TTI1: variants seen among roughly 807,000 people sequenced by gnomAD.
TTI1 encodes TELO2-interacting protein 1 homolog.
TTI1 carries 52 observed loss-of-function variants against 85.4 expected under a neutral mutation model. The ratio of observed to expected loss-of-function variants is 0.61; its 90% CI spans 0.49 to 0.77. The LOEUF is 0.77. Ranked by LOEUF, TTI1 falls within the 30% of genes least tolerant of loss-of-function variation. The probability of loss-of-function intolerance (pLI) is 0.00; values close to 1 mark genes in which losing one functional copy is unlikely to be tolerated. For synonymous variants in TTI1, 512 were observed against 503.9 expected (o/e 1.02, Z -0.22); for missense variants, 1,173 against 1,296.0 (o/e 0.91, Z 1.46).
At chr20:38,027,577 G>A (rs1568633165) in intron 1 of TTI1, among the ~76,000 whole-genome samples, 1 of 152,252 alleles carries the variant, frequency 6.6e-6, no homozygotes, top group East Asian at 1.9e-4. Context: ...TATGCTGTAT[G>A]TATTATATGC....
rs1216841070 is a variant in TTI1, at chr20:38,020,335, T to A, written c.-41-6478A>T. ...GAAAAAAAAAAAAAATATATATATA[T>A]ATATATATATATATATATGTATGTA... is the stretch of plus-strand genomic sequence containing the variant. On this transcript the variant is annotated intron_variant, in intron 1 of 7. Coordinates refer to ENST00000373447, the MANE Select transcript of TTI1 (RefSeq NM_001303457.2). Among the ~76,000 whole-genome samples the A allele has an allele frequency of 6.9e-4, 76 of 110,654 alleles. 2 individuals are homozygous for A. Among genetic ancestry groups the A allele is most frequent in the African/African-American group, 1.8e-3 (51 of 28,320 alleles). The allele number at this position is 110,654 out of a possible 152,430, so 72.6% of individuals were successfully genotyped here.
chr20:38,017,542 A>G lies in TTI1; in HGVS notation c.-41-3685T>C, dbSNP rs563890904. Among the ~76,000 whole-genome samples the G allele has an allele frequency of 5.3e-5, 8 of 152,122 alleles. No individual in the cohort carries two copies. In the East Asian group the frequency reaches 7.8e-4, roughly 15 times the overall value. On this transcript the variant is annotated intron_variant, in intron 1 of 7. Transcript: ENST00000373447. ...TATCATTGGGGAAAGAGAAACCACA[A>G]TGCTTTCGATGGTCACCTGGGGCTG... is the stretch of plus-strand genomic sequence containing the variant.
At chr20:38,017,570 C>T (rs1436204367) in intron 1 of TTI1, among the ~76,000 whole-genome samples, 1 of 152,066 alleles carries the variant, frequency 6.6e-6, no homozygotes, top group African/African-American at 2.4e-5. Context: ...TGGGGCTGGA[C>T]AGACAAAACT....
At chr20:38,000,976 T>C (rs553879489) in intron 4 of TTI1, among the ~76,000 whole-genome samples, 120 of 152,258 alleles carry the variant, frequency 7.9e-4, no homozygotes, top group African/African-American at 2.7e-3. Context: ...TTGCACCGAG[T>C]AGGTACCCAA....
chr20:38,000,703 G>A (rs1054913453), intron 4 of TTI1, among the ~76,000 whole-genome samples: 1 of 152,234 alleles, frequency 6.6e-6, no homozygotes, highest in Non-Finnish European at 1.5e-5. Flanking sequence ...GCACAGTGGG[G>A]AGCAGGGGAT....
intron 7 of TTI1, among the ~76,000 whole-genome samples, chr20:37,995,092 G>C (rs1255248800): frequency 2.6e-5 from 4 of 152,128 alleles, no homozygotes; most frequent in Non-Finnish European, 5.9e-5. Flanking sequence ...TCAGCTCCAG[G>C]GGCACCGCCC....
intron 1 of TTI1, among the ~76,000 whole-genome samples, chr20:38,031,028 G>A (rs1189709524): frequency 1.3e-5 from 2 of 152,126 alleles, no homozygotes; most frequent in South Asian, 2.1e-4. Context: ...AGCGGATCCT[G>A]TTACCTCTTC....
intron 7 of TTI1, chr20:37,987,409 C>T (rs952677914): frequency 2.2e-6 from 1 of 450,736 alleles, no homozygotes; most frequent in Non-Finnish European, 4.5e-6. Flanking sequence ...GTTGAACATA[C>T]CAAATGGCCA....
rs767876343 is a variant in TTI1, at chr20:37,983,625, A to G, written c.3101T>C (p.Leu1034Ser). ...QEAARSVFLH[L>S]MKVDPDSTWF... ...GGTGGAGTCTGGGTCCACCTTCATCAAGTGGAGGAAGACGCTGTGGAGAGA... is the reference window on the plus strand; with the variant it reads ...GGTGGAGTCTGGGTCCACCTTCATCGAGTGGAGGAAGACGCTGTGGAGAGA... The change falls in exon 8 of 8, where the codon TTG becomes TCG. Residue 1034 changes from leucine to serine, a missense_variant. Coordinates refer to ENST00000373447, the MANE Select transcript of TTI1 (RefSeq NM_001303457.2). 1 of 1,530,392 alleles carries G rather than the reference A, an allele frequency of 6.5e-7. No homozygotes were observed. The highest frequency in any genetic ancestry group is 8.8e-7 in the Non-Finnish European group (1 of 1,137,492). The allele number at this position is 1,530,392 out of a possible 1,614,324, so 94.8% of individuals were successfully genotyped here. A position where few individuals can be genotyped will look rare whatever the true frequency, so the allele number is the denominator to read the frequency against.
rs969441923 is a variant in TTI1 at position 38,002,887 on chromosome 20, C to G, written c.2504-111G>C. The G allele has an allele frequency of 1.7e-5, 25 of 1,436,040 alleles. No individual in the cohort carries two copies. In the African/African-American group the frequency reaches 3.1e-4, roughly 18 times the overall value. The allele number at this position is 1,436,040 out of a possible 1,614,324, so 89.0% of individuals were successfully genotyped here. A position where few individuals can be genotyped will look rare whatever the true frequency, so the allele number is the denominator to read the frequency against. On this transcript the variant is annotated intron_variant, in intron 3 of 7. Coordinates refer to ENST00000373447, the MANE Select transcript of TTI1 (RefSeq NM_001303457.2). The stretch of plus-strand genomic sequence containing the variant: ...TCTTAGGTATTTGGTTACAGCAGCA[C>G]AAATGGACTGAGACACCTCCACTCA...
Position 38,005,253 on chromosome 20 carries a change from TTC to T in TTI1, c.2503+942_2503+943del, listed in dbSNP as rs2073479595. 2.0e-5 allele frequency among the ~76,000 whole-genome samples: 3 copies of T among 152,238 alleles called. No individual in the cohort carries two copies. The South Asian group carries it at 6.2e-4, about 31-fold the overall frequency. ...TGGGACTCGGTTCGATTTAGGATGGTTCTGAGACCACCAAGCTCATTATGACT... is the reference window on the plus strand; with the variant it reads ...TGGGACTCGGTTCGATTTAGGATGGTTGAGACCACCAAGCTCATTATGACT... On this transcript the variant is annotated intron_variant, in intron 3 of 7. Coordinates refer to ENST00000373447, the MANE Select transcript of TTI1 (RefSeq NM_001303457.2).
intron 1 of TTI1, among the ~76,000 whole-genome samples, chr20:38,031,355 G>A (rs1489714682): frequency 6.6e-6 from 1 of 152,160 alleles, no homozygotes; most frequent in Non-Finnish European, 1.5e-5. Context: ...TATCACTCCA[G>A]CTTTATTGTC....
chr20:38,011,599 C>A lies in TTI1; in HGVS notation c.2218G>T (p.Asp740Tyr). The change falls in exon 2 of 8, where the codon GAT (aspartate) becomes TAT (tyrosine). Residue 740 changes from aspartate to tyrosine, a missense_variant. Coordinates refer to ENST00000373447, the MANE Select transcript of TTI1 (RefSeq NM_001303457.2). ...AATTGGTCCAGGGTGGCCAAGACAT[C>A]TTGAACCACATCTGCCACCAAAGGA... The part of the protein sequence containing the change: ...LLPLVADVVQ[D>Y]VLATLDQFYD... 2 of 1,614,230 alleles carry A rather than the reference C, an allele frequency of 1.2e-6. No homozygotes were observed. Among genetic ancestry groups the A allele is most frequent in the Non-Finnish European group, 1.7e-6 (2 of 1,180,036 alleles).
chr20:37,999,749 G>A (rs555720332), intron 4 of TTI1, among the ~76,000 whole-genome samples: 4 of 152,220 alleles, frequency 2.6e-5, no homozygotes, highest in Non-Finnish European at 5.9e-5. Context: ...ACTGGAAACC[G>A]TGATGAGGAA....
intron 1 of TTI1, among the ~76,000 whole-genome samples, chr20:38,023,644 A>T (rs2073798888): frequency 6.6e-6 from 1 of 152,220 alleles, no homozygotes; most frequent in East Asian, 1.9e-4. Context: ...TTACAGCTTT[A>T]CTTGTGGTTT....
chr20:37,992,718 A>G (rs909836016), intron 7 of TTI1, among the ~76,000 whole-genome samples: 5 of 152,182 alleles, frequency 3.3e-5, no homozygotes, highest in African/African-American at 1.2e-4. Context: ...TGGCCCAAGG[A>G]GTATGGTTTT....
chr20:38,019,399 T>C (rs997206474), intron 1 of TTI1, among the ~76,000 whole-genome samples: 7 of 152,140 alleles, frequency 4.6e-5, no homozygotes, highest in Non-Finnish European at 1.0e-4. Context: ...ACAAGAATAA[T>C]TCACAAAAGG....
rs2073788231 is a variant in TTI1 at position 38,022,881 on chromosome 20, GC to G, written c.-41-9025del. 2.0e-5 allele frequency among the ~76,000 whole-genome samples: 3 copies of G among 152,186 alleles called. No homozygotes were observed. In the South Asian group the frequency reaches 6.2e-4, roughly 32 times the overall value. On this transcript the variant is annotated intron_variant, in intron 1 of 7. Coordinates refer to ENST00000373447, the MANE Select transcript of TTI1 (RefSeq NM_001303457.2). ...CACTGGAGGACTGATCTGGGTTCTA[GC>G]CCTGGCTCTTACAGTACCTGGCTGT...
chr20:38,012,861 A>C lies in TTI1; in HGVS notation c.956T>G (p.Leu319Trp). 1 of 1,614,210 alleles carries C rather than the reference A, an allele frequency of 6.2e-7. No homozygotes were observed. Among genetic ancestry groups the C allele is most frequent in the Non-Finnish European group, 8.5e-7 (1 of 1,180,046 alleles). The change falls in exon 2 of 8, where the codon TTG becomes TGG. Residue 319 changes from leucine to tryptophan, a missense_variant. Physicochemically the swap from Leu to Trp is moderately conservative, Grantham distance 61. Transcript: ENST00000373447. ...TTCGACCAATGATTGACTGCACTTCAAAAGAAGGTCCTCCACAAGTTCTAC... is the reference window on the plus strand; with the variant it reads ...TTCGACCAATGATTGACTGCACTTCCAAAGAAGGTCCTCCACAAGTTCTAC... ...ELVELVEDLL[L>W]KCSQSLVECA... is the part of the protein sequence containing the mutation.
Sources: gnomAD v4.1 joint callset for allele counts (sites outside exome capture counted in the v4.1 genomes callset) on GRCh38, gnomAD v4.1.1 for gene constraint, MANE v1.5 for transcripts, NCBI Gene and HGNC (gene_info 2026-07-23, HGNC 2026-07-21) for gene names.